OSCP1: variants seen among roughly 807,000 people sequenced by gnomAD.
The protein encoded by OSCP1 is protein OSCP1.
OSCP1 carries 35 observed loss-of-function variants against 45.1 expected under a neutral mutation model. The ratio of observed to expected loss-of-function variants is 0.78; its 90% CI spans 0.59 to 1.03. The LOEUF (loss-of-function observed/expected upper bound fraction) is 1.03. Among genes scored for constraint, OSCP1 ranks in the 50% least tolerant of loss-of-function variants. The pLI is 0.00. For missense variants in OSCP1, 400 were observed against 470.7 expected, an observed-to-expected ratio of 0.85 and a Z score of 1.39; for synonymous variants, 179 against 180.1, an observed-to-expected ratio of 0.99 and a Z score of 0.05.
rs186325122 is a variant in OSCP1 at position 36,427,785 on chromosome 1, C to T, written c.516+4017G>A. On this transcript the variant is annotated intron_variant, in intron 4 of 9. Coordinates refer to ENST00000235532, the MANE Select transcript of OSCP1 (RefSeq NM_145047.5). The stretch of plus-strand genomic sequence containing the variant: ...TTGTTATTTTAAATTTAATGAAAAA[C>T]TTAATCTTATTTGTACTTTCATATT... 2.1e-4 allele frequency among the ~76,000 whole-genome samples: 32 copies of T among 152,218 alleles called. No homozygotes were observed. The East Asian group carries it at 6.0e-3, about 28-fold the overall frequency.
intron 8 of OSCP1, among the ~76,000 whole-genome samples, chr1:36,419,848 C>T (rs1433181213): frequency 6.6e-6 from 1 of 152,120 alleles, no homozygotes. Context: ...GGGTGTTGCT[C>T]TCTCTCCTAG....
At chr1:36,421,869 T>C (rs753945374) in intron 7 of OSCP1, 595 of 470,348 alleles carry the variant, frequency 1.3e-3, no homozygotes, top group Non-Finnish European at 1.8e-3. Flanking sequence ...ACGGACCTAA[T>C]GGCACTGGTA....
At position 36,423,398 on chromosome 1, in the gene OSCP1, A is replaced by G. The variant is rs747948691; in HGVS notation, c.585T>C (p.Pro195=). 1.2e-6 allele frequency: 2 copies of G among 1,613,410 alleles called. No homozygotes were observed. The highest frequency in any genetic ancestry group is 1.7e-6 in the Non-Finnish European group (2 of 1,179,372). ...NGRFVLPVSG[P]VPWGTEVPGL... ...CTGGAACTTCAGTTCCCCAAGGAAC[A>G]GGCCCGGACACCGGCAACACAAAGC... The change falls in exon 5 of 10, where the codon CCT becomes CCC. Residue 195 remains proline (P), a synonymous_variant. Coordinates refer to ENST00000235532, the MANE Select transcript of OSCP1 (RefSeq NM_145047.5).
At chr1:36,445,346 AAAAC>A (rs201209198) in intron 1 of OSCP1, among the ~76,000 whole-genome samples, 1,569 of 152,360 alleles carry the variant, frequency 0.01, 24 homozygotes, top group African/African-American at 0.036. Context: ...TCAAAAAACA[AAAAC>A]AAACAAACAA....
chr1:36,420,513 A>G lies in OSCP1; in HGVS notation c.922T>C (p.Phe308Leu), dbSNP rs748843097. ...IKKPSGPEPG[F>L]RLNLFTTDEE... ...TCGGTGGTAAAGAGATTCAACCGGA[A>G]TCCGGGCTCAGGGCCACTGGGTTTC... The change falls in exon 8 of 10, where the codon TTC (phenylalanine) becomes CTC (leucine). Residue 308 changes from phenylalanine (F) to leucine (L), a missense_variant. By Grantham distance (22) the Phe-to-Leu change is conservative (BLOSUM62 0). Coordinates refer to ENST00000235532, the MANE Select transcript of OSCP1 (RefSeq NM_145047.5). 6.8e-6 allele frequency: 11 copies of G among 1,614,104 alleles called. No homozygotes were observed. Among genetic ancestry groups the G allele is most frequent in the Non-Finnish European group, 5.9e-6 (7 of 1,180,020 alleles).
At chr1:36,445,056 C>A (rs183262829) in intron 1 of OSCP1, among the ~76,000 whole-genome samples, 1 of 152,088 alleles carries the variant, frequency 6.6e-6, no homozygotes, top group African/African-American at 2.4e-5. Context: ...ATCTGTATTT[C>A]AAAAACATTT....
intron 5 of OSCP1, among the ~76,000 whole-genome samples, chr1:36,423,160 G>C (rs1212912494): frequency 6.6e-6 from 1 of 152,104 alleles, no homozygotes; most frequent in African/African-American, 2.4e-5. Flanking sequence ...ATTAGTCCTG[G>C]GGAACTGGGT....
chr1:36,426,303 G>GGACT (rs1213762451), intron 4 of OSCP1, among the ~76,000 whole-genome samples: 7 of 152,160 alleles, frequency 4.6e-5, no homozygotes, highest in African/African-American at 1.7e-4. Flanking sequence ...TGGCTGGAGA[G>GGACT]GACTGTTAGG....
chr1:36,436,400 G>A (rs903345490), intron 2 of OSCP1, among the ~76,000 whole-genome samples: 2 of 151,848 alleles, frequency 1.3e-5, no homozygotes, highest in Non-Finnish European at 2.9e-5. Flanking sequence ...GTGAGCCACC[G>A]CGCCCGGCCC....
At chr1:36,422,997 T>C in intron 5 of OSCP1, 101 bp from the exon 6 acceptor site, 1 of 895,130 alleles carries the variant, frequency 1.1e-6, no homozygotes, top group Middle Eastern at 3.3e-4. Flanking sequence ...GAATACATGC[T>C]CTCCTTCAAG....
chr1:36,420,029 G>A (rs1647515788), intron 8 of OSCP1, among the ~76,000 whole-genome samples: 1 of 149,736 alleles, frequency 6.7e-6, no homozygotes, highest in Non-Finnish European at 1.5e-5. Flanking sequence ...AGACTGGAGT[G>A]CAATGGTGCA....
chr1:36,430,354 T>C (rs532509630), intron 4 of OSCP1, among the ~76,000 whole-genome samples: 1 of 152,196 alleles, frequency 6.6e-6, no homozygotes, highest in East Asian at 1.9e-4. Context: ...AAATGTGTTT[T>C]TAAAAGTTAG....
chr1:36,450,043 G>A (rs1195344257), intron 1 of OSCP1, among the ~76,000 whole-genome samples: 1 of 151,620 alleles, frequency 6.6e-6, no homozygotes, highest in Non-Finnish European at 1.5e-5. Context: ...GCACCCTAGT[G>A]TCCACTGGGA....
intron 4 of OSCP1, chr1:36,428,485 C>T (rs1170867506): frequency 1.2e-6 from 2 of 1,609,428 alleles, no homozygotes; most frequent in Admixed American, 3.4e-5. Flanking sequence ...TCTGTATATG[C>T]ACAAACAAAT....
rs547852096 is a variant in OSCP1, at chr1:36,422,155, T to C, written c.814A>G (p.Thr272Ala). ...SGSSKNLASW[T>A]QESIAPNPLA... is the part of the protein sequence containing the mutation. Reference sequence around the variant, plus strand: ...CAAGGAAGGCAGAAGCTCACCTGGGTCCATGAGGCTAAGTTCTTTGATGAT... The same window carrying C: ...CAAGGAAGGCAGAAGCTCACCTGGGCCCATGAGGCTAAGTTCTTTGATGAT... The change falls in exon 7 of 10, where the codon ACC (threonine) becomes GCC (alanine). Residue 272 changes from threonine to alanine, a missense_variant. Physicochemically the swap from Thr to Ala is moderately conservative, Grantham distance 58. Transcript: ENST00000235532. 1.9e-6 allele frequency: 3 copies of C among 1,613,952 alleles called. No homozygotes were observed. The Admixed American group carries it at 5.0e-5, about 27-fold the overall frequency.
In OSCP1 at chr1:36,419,057, GGAT is replaced by G. The variant is rs753426834; in HGVS notation, c.960-6_960-4del. ...CTGGCCTGGTTAGCGCTGCTTGTCTGGATGAGATGGTAAAGAAAATGGGTGCAA... is the reference window on the plus strand; with the variant it reads ...CTGGCCTGGTTAGCGCTGCTTGTCTGGAGATGGTAAAGAAAATGGGTGCAA... On this transcript the variant is annotated splice_region_variant and splice_polypyrimidine_tract_variant and intron_variant, in intron 8 of 9. Coordinates refer to ENST00000235532, the MANE Select transcript of OSCP1 (RefSeq NM_145047.5). 1 of 1,610,306 alleles carries G rather than the reference GGAT, an allele frequency of 6.2e-7. No homozygotes were observed. Among genetic ancestry groups the G allele is most frequent in the South Asian group, 1.1e-5 (1 of 91,024 alleles).
chr1:36,449,822 C>T (rs1418811436), intron 1 of OSCP1, among the ~76,000 whole-genome samples: 2 of 108,454 alleles, frequency 1.8e-5, no homozygotes, highest in Admixed American at 1.4e-4. Flanking sequence ...GGCGACAGAG[C>T]GAGACCCTGT....
intron 4 of OSCP1, among the ~76,000 whole-genome samples, chr1:36,428,886 A>G (rs1648157767): frequency 1.3e-5 from 2 of 152,332 alleles, no homozygotes; most frequent in Admixed American, 1.3e-4. Context: ...TGGAGGTTGC[A>G]GTAAGCCGAG....
chr1:36,421,075 T>A (rs1307183808), intron 7 of OSCP1, among the ~76,000 whole-genome samples: 2 of 152,172 alleles, frequency 1.3e-5, no homozygotes, highest in South Asian at 2.1e-4. Flanking sequence ...CCTGTACCCC[T>A]CTTCCTTGTA....
Sources: allele counts gnomAD v4.1 joint callset (sites outside exome capture counted in the v4.1 genomes callset), GRCh38; gene constraint gnomAD v4.1.1; transcripts MANE v1.5; gene names NCBI Gene and HGNC (gene_info 2026-07-23, HGNC 2026-07-21).